Variants in ZFPM1 observed in about 807,000 individuals in gnomAD.
The protein encoded by ZFPM1 is zinc finger protein ZFPM1.
In ZFPM1, 28 loss-of-function variants were observed where a neutral mutation model predicts 46.3. That is an observed-to-expected ratio of 0.60 (90% CI 0.45 to 0.83). The LOEUF is 0.83. Among genes scored for constraint, ZFPM1 ranks in the 40% least tolerant of loss-of-function variants. ZFPM1 has a pLI of 0.00. For synonymous variants in ZFPM1, 957 were observed against 675.9 expected (o/e 1.42, Z -6.45); for missense variants, 1,878 against 1,432.4 (o/e 1.31, Z -5.02).
At chr16:88,494,515 G>A (rs1253162001) in intron 3 of ZFPM1, among the ~76,000 whole-genome samples, 3 of 152,124 alleles carry the variant, frequency 2.0e-5, no homozygotes, top group Admixed American at 1.3e-4. Context: ...AAACCCCGCC[G>A]TCACCACCCA....
rs1912131871 is a variant in ZFPM1 at position 88,524,171 on chromosome 16, C to T, written c.403-2643C>T. The stretch of plus-strand genomic sequence containing the variant: ...GATCAAGCAGATTAATTTTTTTCAC[C>T]CTCCTCTGCTCATTAATATTCATTA... On this transcript the variant is annotated intron_variant, in intron 4 of 9. Coordinates refer to ENST00000319555, the MANE Select transcript of ZFPM1 (RefSeq NM_153813.3). 3.3e-5 allele frequency among the ~76,000 whole-genome samples: 5 copies of T among 152,200 alleles called. No individual in the cohort carries two copies. In the South Asian group the frequency reaches 8.3e-4, roughly 25 times the overall value.
At position 88,532,903 on chromosome 16, in the gene ZFPM1, G is replaced by A; in HGVS notation, c.1157G>A (p.Gly386Glu). Residue 386 changes from glycine to glutamate, a missense_variant, in exon 9 of 10, where the codon GGG (glycine) becomes GAG (glutamate). Transcript: ENST00000319555. ...TCCAAGGGTGAGATCTACTCGCCAG[G>A]GGCCGGACACCCAGCAACCAAGCTG... The part of the protein sequence containing the change: ...PGSKGEIYSP[G>E]AGHPATKLPP... The A allele has an allele frequency of 6.2e-7, 1 of 1,613,246 alleles. No homozygotes were observed. Among genetic ancestry groups the A allele is most frequent in the Non-Finnish European group, 8.5e-7 (1 of 1,179,964 alleles).
At chr16:88,509,052 C>T (rs1464240197) in intron 3 of ZFPM1, among the ~76,000 whole-genome samples, 1 of 152,134 alleles carries the variant, frequency 6.6e-6, no homozygotes, top group African/African-American at 2.4e-5. Context: ...GGGAGCCGCT[C>T]GCCCCTCTGG....
chr16:88,520,484 G>A (rs1911750039), intron 4 of ZFPM1, among the ~76,000 whole-genome samples: 1 of 150,510 alleles, frequency 6.6e-6, no homozygotes, highest in Admixed American at 6.6e-5. Context: ...ATGTATGGGT[G>A]GATGGATGAG....
chr16:88,527,417 G>A (rs115538345), intron 5 of ZFPM1, among the ~76,000 whole-genome samples: 17,431 of 152,174 alleles, frequency 0.11, 1,428 homozygotes, highest in African/African-American at 0.23. Context: ...CTGCACCTCC[G>A]AGCACCCGGG....
At chr16:88,456,040 G>C (rs1224597069) in intron 1 of ZFPM1, among the ~76,000 whole-genome samples, 1 of 152,358 alleles carries the variant, frequency 6.6e-6, no homozygotes. Context: ...GCGCGGGGGC[G>C]CCGCGACTGG....
chr16:88,464,242 T>C (rs1028977869), intron 1 of ZFPM1, among the ~76,000 whole-genome samples: 2 of 152,252 alleles, frequency 1.3e-5, no homozygotes, highest in East Asian at 3.9e-4. Context: ...GGCCGAGGCA[T>C]GTGAGCCGTG....
In ZFPM1 at chr16:88,533,547, T is replaced by G. The variant is rs774788772; in HGVS notation, c.1589T>G (p.Val530Gly). The G allele has an allele frequency of 2.7e-6, 4 of 1,472,992 alleles. No individual in the cohort carries two copies. The South Asian group carries it at 5.0e-5, about 18-fold the overall frequency. 91.2% of individuals were successfully genotyped at this position (1,472,992 alleles called of 1,614,324 possible). A position where few individuals can be genotyped will look rare whatever the true frequency, so the allele number is the denominator to read the frequency against. Residue 530 changes from valine (V) to glycine (G), a missense_variant, in exon 10 of 10, where the codon GTG becomes GGG. By Grantham distance (109) the Val-to-Gly change is moderately radical. Coordinates refer to ENST00000319555, the MANE Select transcript of ZFPM1 (RefSeq NM_153813.3). ...LAGALFLPQY[V>G]FGPDAAPPAS... Reference sequence around the variant, plus strand: ...GGGGCCCTGTTCCTTCCGCAGTACGTGTTCGGGCCCGACGCGGCGCCCCCC... The same window carrying G: ...GGGGCCCTGTTCCTTCCGCAGTACGGGTTCGGGCCCGACGCGGCGCCCCCC...
At chr16:88,455,767 C>G (rs1057208960) in intron 1 of ZFPM1, among the ~76,000 whole-genome samples, 7 of 152,196 alleles carry the variant, frequency 4.6e-5, no homozygotes, top group African/African-American at 1.7e-4. Flanking sequence ...CATTTATTAA[C>G]TTCAAACGTG....
rs1186350021 is a variant in ZFPM1 at position 88,534,270 on chromosome 16, CCGGAAG to C, written c.2328_2333del (p.Ser777_Gly778del). 468 of 1,123,750 alleles carry C rather than the reference CCGGAAG, an allele frequency of 4.2e-4. No homozygotes were observed. The highest frequency in any genetic ancestry group is 1.5e-3 in the Middle Eastern group (4 of 2,644). 69.6% of individuals were successfully genotyped at this position (1,123,750 alleles called of 1,614,324 possible). A position where few individuals can be genotyped will look rare whatever the true frequency, so the allele number is the denominator to read the frequency against. On this transcript the variant is annotated inframe_deletion, in exon 10 of 10. Transcript: ENST00000319555. Reference sequence around the variant, plus strand: ...GCCCCCGCGCCCGAGTCGCCGCGGCCCGGAAGCGGAAGCGGAAGCGGCCCCGGCCTC... The same window carrying C: ...GCCCCCGCGCCCGAGTCGCCGCGGCCCGGAAGCGGAAGCGGCCCCGGCCTC...
At chr16:88,522,962 T>C (rs1912015652) in intron 4 of ZFPM1, among the ~76,000 whole-genome samples, 1 of 151,950 alleles carries the variant, frequency 6.6e-6, no homozygotes, top group African/African-American at 2.4e-5. Context: ...TCCCAGCACT[T>C]TGGGAGGCCA....
chr16:88,528,472 C>T (rs564348224), intron 6 of ZFPM1, among the ~76,000 whole-genome samples: 4 of 152,214 alleles, frequency 2.6e-5, no homozygotes, highest in Admixed American at 6.5e-5. Context: ...AGCAGGCAAG[C>T]GGGCTTAGGC....
chr16:88,536,487 A>G lies in ZFPM1; in HGVS notation c.*1508A>G, dbSNP rs1217199182. 1 of 152,132 alleles carries G rather than the reference A, an allele frequency of 6.6e-6. No homozygotes were observed. The highest frequency in any genetic ancestry group is 2.4e-5 in the African/African-American group (1 of 41,416). The allele number at this position is 152,132 out of a possible 1,614,324, so 9.4% of individuals were successfully genotyped here. ...CCATTCCCAGCCCATTTCCAACTCT[A>G]CTTGAACTAGCTGCATTTTTTTCAG... is the stretch of plus-strand genomic sequence containing the variant. On this transcript the variant is annotated 3_prime_UTR_variant, in exon 10 of 10. Transcript: ENST00000319555.
chr16:88,494,461 C>G (rs1472854771), intron 3 of ZFPM1, among the ~76,000 whole-genome samples: 1 of 152,124 alleles, frequency 6.6e-6, no homozygotes, highest in Non-Finnish European at 1.5e-5. Flanking sequence ...GGGTGAGAGG[C>G]CGCGGGCAGA....
intron 1 of ZFPM1, among the ~76,000 whole-genome samples, chr16:88,455,132 G>GGTGT (rs4047261): frequency 0.084 from 11,893 of 141,616 alleles, 487 homozygotes; most frequent in East Asian, 0.16. Context: ...TCGGTTCTGG[G>GGTGT]GTGTGTGTGT....
chr16:88,529,925 C>T (rs867254806), intron 6 of ZFPM1, among the ~76,000 whole-genome samples: 2 of 152,070 alleles, frequency 1.3e-5, no homozygotes, highest in Admixed American at 6.5e-5. Context: ...GAGAACGGGC[C>T]GAGCGGCCAG....
chr16:88,483,886 T>A (rs939212259), intron 1 of ZFPM1, among the ~76,000 whole-genome samples: 1 of 152,220 alleles, frequency 6.6e-6, no homozygotes, highest in Non-Finnish European at 1.5e-5. Flanking sequence ...CCCTGCTGCA[T>A]GGAACGGCGG....
At chr16:88,493,100 C>T (rs111353491) in intron 3 of ZFPM1, among the ~76,000 whole-genome samples, 31 of 113,826 alleles carry the variant, frequency 2.7e-4, no homozygotes, top group Admixed American at 1.7e-3. Context: ...TCCCGGGGTG[C>T]GGGGAGCTGT....
At chr16:88,485,507 G>A (rs1184112537) in intron 1 of ZFPM1, among the ~76,000 whole-genome samples, 9 of 150,336 alleles carry the variant, frequency 6.0e-5, no homozygotes, top group Non-Finnish European at 1.2e-4. Context: ...CGGTGCAATC[G>A]CGGCTCACTG....
Sources: allele counts gnomAD v4.1 joint callset (sites outside exome capture counted in the v4.1 genomes callset), GRCh38; gene constraint gnomAD v4.1.1; transcripts MANE v1.5; gene names NCBI Gene and HGNC (gene_info 2026-07-23, HGNC 2026-07-21).